Variants in ALG12 observed in about 807,000 individuals in gnomAD.
ALG12 encodes the protein dol-P-Man:Man(7)GlcNAc(2)-PP-Dol alpha-1,6-mannosyltransferase.
In ALG12, 36 loss-of-function variants were observed where a neutral mutation model predicts 46.0. That is an observed-to-expected ratio of 0.78 (90% confidence interval 0.60 to 1.03). The LOEUF (loss-of-function observed/expected upper bound fraction) is 1.03, where lower values mean the gene tolerates loss of function less well. Ranked by LOEUF, ALG12 falls within the 50% of genes least tolerant of loss-of-function variation. ALG12 has a pLI of 0.00. For synonymous variants in ALG12, 326 were observed against 291.6 expected (o/e 1.12, Z -1.20); for missense variants, 599 against 633.5 (o/e 0.95, Z 0.58).
chr22:49,904,062 C>A lies in ALG12; in HGVS notation c.1243G>T (p.Asp415Tyr). 1 of 1,614,134 alleles carries A rather than the reference C, an allele frequency of 6.2e-7. No individual in the cohort carries two copies. ...FLQVNSAWRY[D>Y]KREDVQPGTG... ...CCCGGCTGCACATCCTCCCTCTTGT[C>A]GTACCTGTGGGATGAGAGCTGGTGG... is the stretch of plus-strand genomic sequence containing the variant. Residue 415 changes from aspartate (D) to tyrosine (Y), a missense_variant, in exon 10 of 10, where the codon GAC (aspartate) becomes TAC (tyrosine). Transcript: ENST00000330817.
the ALG12 span, among the ~76,000 whole-genome samples, chr22:49,867,293 C>T: frequency 4.6e-5 from 7 of 152,148 alleles, no homozygotes; most frequent in African/African-American, 1.7e-4. Context: ...ATGCCCAACG[C>T]GTATGTTATG....
At chr22:49,860,546 C>G in the ALG12 span, among the ~76,000 whole-genome samples, 1 of 152,094 alleles carries the variant, frequency 6.6e-6, no homozygotes, top group Non-Finnish European at 1.5e-5. Context: ...GAATAAAGTG[C>G]TGTATTTTAA....
chr22:49,903,015 G>A lies in ALG12; in HGVS notation c.*823C>T. 1 of 347,378 alleles carries A rather than the reference G, an allele frequency of 2.9e-6. No individual in the cohort carries two copies. Among genetic ancestry groups the A allele is most frequent in the South Asian group, 2.2e-5 (1 of 46,166 alleles). The allele number at this position is 347,378 out of a possible 1,614,324, so 21.5% of individuals were successfully genotyped here. A position where few individuals can be genotyped will look rare whatever the true frequency, so the allele number is the denominator to read the frequency against. On this transcript the variant is annotated 3_prime_UTR_variant, in exon 10 of 10. Coordinates refer to ENST00000330817, the MANE Select transcript of ALG12 (RefSeq NM_024105.4). ...GTGTGTGTGCATGTATGCATGGTGT[G>A]TGCATACGTGTGCAGCAGCACCTGG...
intron 1 of ALG12, among the ~76,000 whole-genome samples, chr22:49,917,245 A>G (rs1032107216): frequency 2.0e-5 from 3 of 152,264 alleles, no homozygotes; most frequent in African/African-American, 7.2e-5. Flanking sequence ...GAGAGCACCC[A>G]CAGGTTAAAA....
At chr22:49,883,426 T>A in the ALG12 span, 1 of 447,642 alleles carries the variant, frequency 2.2e-6, no homozygotes, top group Non-Finnish European at 3.8e-6. Context: ...CACATTGTTG[T>A]CTACACCATG....
chr22:49,899,283 T>G (rs139397353), downstream of ALG12, among the ~76,000 whole-genome samples: 1,588 of 152,192 alleles, frequency 0.01, 16 homozygotes, highest in South Asian at 0.066. Flanking sequence ...GAGACCAGCC[T>G]GGCCAATATG....
intron 5 of ALG12, 130 bp from the exon 6 acceptor site, chr22:49,909,477 G>T: frequency 1.1e-6 from 1 of 926,654 alleles, no homozygotes; most frequent in Non-Finnish European, 1.7e-6. Flanking sequence ...AGGGTGGGAA[G>T]ATTGCTGGAG....
At chr22:49,912,110 C>CCGGGATCAGCCTCGGCCG (rs2060581611) in intron 3 of ALG12, among the ~76,000 whole-genome samples, 5 of 135,944 alleles carry the variant, frequency 3.7e-5, no homozygotes, top group African/African-American at 3.0e-5. Context: ...ACCCTCGGCC[C>CCGGGATCAGCCTCGGCCG]CGGGATCAGC....
rs931679176 is a variant in ALG12, at chr22:49,905,815, G to A, written c.993-1309C>T. Among the ~76,000 whole-genome samples, 3 of 152,168 alleles carry A rather than the reference G, an allele frequency of 2.0e-5. No homozygotes were observed. Among genetic ancestry groups the A allele is most frequent in the Admixed American group, 6.5e-5 (1 of 15,282 alleles). ...TGCACCCTTGAACAATCTCTGGTGC[G>A]GTTTCTGAGCTCGAGGCCCCACCTA... is the stretch of plus-strand genomic sequence containing the variant. On this transcript the variant is annotated intron_variant, in intron 7 of 9. Transcript: ENST00000330817. This position sits in a 1 kb window ranked among gnomAD's most constrained non-coding sequence, Gnocchi z 4.9.
chr22:49,881,110 C>T, the ALG12 span, among the ~76,000 whole-genome samples: 3 of 152,204 alleles, frequency 2.0e-5, no homozygotes, highest in African/African-American at 4.8e-5. Flanking sequence ...CTTCGGGAGG[C>T]TGAGGCAGGT....
At chr22:49,873,111 A>G in the ALG12 span, among the ~76,000 whole-genome samples, 4 of 152,242 alleles carry the variant, frequency 2.6e-5, no homozygotes, top group Admixed American at 6.5e-5. Flanking sequence ...GATTACAGAC[A>G]TGAGCCACTA....
At position 49,906,025 on chromosome 22, in the gene ALG12, C is replaced by T. The variant is rs1168307759; in HGVS notation, c.993-1519G>A. Among the ~76,000 whole-genome samples the T allele has an allele frequency of 6.6e-6, 1 of 152,218 alleles. No individual in the cohort carries two copies. Among genetic ancestry groups the T allele is most frequent in the Non-Finnish European group, 1.5e-5 (1 of 68,032 alleles). ...CACCGTGGGAAACGGCCTGCTCTTG[C>T]TCCCAGGGTGGCCGGGCTGAGGACC... On this transcript the variant is annotated intron_variant, in intron 7 of 9. Transcript: ENST00000330817. The surrounding 1 kb of genome is among the most constrained non-coding windows in gnomAD (Gnocchi z 4.4).
the ALG12 span, among the ~76,000 whole-genome samples, chr22:49,879,284 C>G: frequency 1.3e-5 from 2 of 151,428 alleles, no homozygotes; most frequent in African/African-American, 2.4e-5. Flanking sequence ...GCCACCACGC[C>G]GCGCTAATTT....
Position 49,904,257 on chromosome 22 carries a change from A to G in ALG12, c.1163-3T>C. On this transcript the variant is annotated splice_region_variant and splice_polypyrimidine_tract_variant and intron_variant, in intron 8 of 9. Coordinates refer to ENST00000330817, the MANE Select transcript of ALG12 (RefSeq NM_024105.4). ...CACGTCAATGTGCAGAAGGACGTCT[A>G]GGAAAACCAGGCCTGCCGTCAGAGC... 6.2e-7 allele frequency: 1 copy of G among 1,614,124 alleles called. No homozygotes were observed. Among genetic ancestry groups the G allele is most frequent in the Non-Finnish European group, 8.5e-7 (1 of 1,179,966 alleles).
rs971838029 is a variant in ALG12, at chr22:49,906,118, C to T, written c.992+1603G>A. Among the ~76,000 whole-genome samples the T allele has an allele frequency of 7.2e-5, 11 of 152,288 alleles. No homozygotes were observed. The highest frequency in any genetic ancestry group is 4.1e-4 in the South Asian group (2 of 4,822). On this transcript the variant is annotated intron_variant, in intron 7 of 9. Transcript: ENST00000330817. This position sits in a 1 kb window ranked among gnomAD's most constrained non-coding sequence, Gnocchi z 4.4. ...TGGACTCCCCAAGTTTGTCCTCCTC[C>T]GGATAAGGCCGACTGGCACAGCAGG...
chr22:49,915,797 C>G (rs1247191413), intron 1 of ALG12, among the ~76,000 whole-genome samples: 3 of 152,176 alleles, frequency 2.0e-5, no homozygotes, highest in Admixed American at 6.5e-5. Context: ...AAGGCTGCCT[C>G]GCTGCCACCT....
intron 1 of ALG12, among the ~76,000 whole-genome samples, chr22:49,915,927 C>T (rs1460259957): frequency 6.6e-6 from 1 of 152,214 alleles, no homozygotes; most frequent in African/African-American, 2.4e-5. Context: ...GTAAAAACTC[C>T]TACATGGGGT....
rs773023612 is a variant in ALG12 at position 49,903,485 on chromosome 22, G to A, written c.*353C>T. 11 of 492,218 alleles carry A rather than the reference G, an allele frequency of 2.2e-5. No individual in the cohort carries two copies. Among genetic ancestry groups the A allele is most frequent in the South Asian group, 3.1e-5 (2 of 64,888 alleles). 30.5% of individuals were successfully genotyped at this position (492,218 alleles called of 1,614,324 possible). A position where few individuals can be genotyped will look rare whatever the true frequency, so the allele number is the denominator to read the frequency against. On this transcript the variant is annotated 3_prime_UTR_variant, in exon 10 of 10. Transcript: ENST00000330817. ...CTCCCCCTGGGTGGGCAGGACACACGTGGCCTCCTGGCAGACAGGTGCCTG... is the reference window on the plus strand; with the variant it reads ...CTCCCCCTGGGTGGGCAGGACACACATGGCCTCCTGGCAGACAGGTGCCTG...
At chr22:49,881,442 G>A in the ALG12 span, among the ~76,000 whole-genome samples, 1 of 152,252 alleles carries the variant, frequency 6.6e-6, no homozygotes, top group Non-Finnish European at 1.5e-5. Flanking sequence ...CTGGAGTGCA[G>A]TGGCACAATG....
Sources: gnomAD v4.1 joint callset for allele counts (sites outside exome capture counted in the v4.1 genomes callset) on GRCh38, gnomAD v4.1.1 for gene constraint, Gnocchi (gnomAD v3.1) non-coding constraint, MANE v1.5 for transcripts, NCBI Gene and HGNC (gene_info 2026-07-23, HGNC 2026-07-21) for gene names.